PHF24: variants seen among roughly 807,000 people sequenced by gnomAD.
PHF24 encodes PHD finger protein 24.
PHF24 carries 25 observed loss-of-function variants against 42.6 expected under a neutral mutation model. The ratio of observed to expected loss-of-function variants is 0.59; its 90% CI spans 0.43 to 0.82. The LOEUF (loss-of-function observed/expected upper bound fraction) is 0.82. Among genes scored for constraint, PHF24 ranks in the 40% least tolerant of loss-of-function variants. The pLI, the probability that PHF24 is intolerant of heterozygous loss-of-function variation, is 0.00. For missense variants in PHF24, 470 were observed against 538.1 expected, an observed-to-expected ratio of 0.87 and a Z score of 1.25; for synonymous variants, 185 against 204.8, an observed-to-expected ratio of 0.90 and a Z score of 0.83.
the PHF24 span, among the ~76,000 whole-genome samples, chr9:34,720,598 G>A: frequency 6.6e-6 from 1 of 151,956 alleles, no homozygotes; most frequent in Non-Finnish European, 1.5e-5. Flanking sequence ...GTCCAAAATC[G>A]ATGTCCCTTC....
At chr9:34,688,808 A>G in the PHF24 span, among the ~76,000 whole-genome samples, 2 of 152,174 alleles carry the variant, frequency 1.3e-5, no homozygotes, top group Non-Finnish European at 2.9e-5. Flanking sequence ...TCATTCTCTA[A>G]ACAAATATTT....
chr9:34,729,691 T>G, the PHF24 span, among the ~76,000 whole-genome samples: 4 of 152,192 alleles, frequency 2.6e-5, no homozygotes, highest in Non-Finnish European at 4.4e-5. Flanking sequence ...TAGTCTGTCT[T>G]CACTTTCCAC....
At chr9:34,669,405 TGAGAA>T in the PHF24 span, among the ~76,000 whole-genome samples, 4 of 151,802 alleles carry the variant, frequency 2.6e-5, no homozygotes, top group African/African-American at 7.3e-5. Flanking sequence ...ACCAATATGC[TGAGAA>T]GAGGAGTGTT....
the PHF24 span, chr9:34,690,423 C>CGTGTGTGT: frequency 3.3e-6 from 3 of 913,262 alleles, no homozygotes; most frequent in Admixed American, 2.7e-5. Flanking sequence ...ATTGAGGACA[C>CGTGTGTGT]CTGTGTGTGT....
chr9:34,851,897 A>G, the PHF24 span, among the ~76,000 whole-genome samples: 1 of 152,234 alleles, frequency 6.6e-6, no homozygotes, highest in Non-Finnish European at 1.5e-5. Flanking sequence ...TGATTTACAT[A>G]CCACCATTAT....
chr9:34,863,263 T>C, the PHF24 span, among the ~76,000 whole-genome samples: 1 of 152,110 alleles, frequency 6.6e-6, no homozygotes, highest in Non-Finnish European at 1.5e-5. Flanking sequence ...TGTAGAGCCC[T>C]AGGGCCTTGA....
At chr9:34,879,853 C>G in the PHF24 span, among the ~76,000 whole-genome samples, 1 of 152,084 alleles carries the variant, frequency 6.6e-6, no homozygotes, top group East Asian at 1.9e-4. Context: ...CAGAGAACGC[C>G]ACAAAGATAC....
chr9:34,827,915 A>G, the PHF24 span, among the ~76,000 whole-genome samples: 2 of 152,028 alleles, frequency 1.3e-5, no homozygotes, highest in Non-Finnish European at 2.9e-5. Context: ...CCATGCATTT[A>G]GAGCTTTTTC....
chr9:34,974,476 A>G (rs1587477549), intron 3 of PHF24, among the ~76,000 whole-genome samples: 1 of 152,128 alleles, frequency 6.6e-6, no homozygotes, highest in Admixed American at 6.5e-5. Context: ...CAGTGGTGTA[A>G]CCACCGTTAA....
At chr9:34,693,219 A>G in the PHF24 span, among the ~76,000 whole-genome samples, 1 of 152,044 alleles carries the variant, frequency 6.6e-6, no homozygotes, top group Admixed American at 6.6e-5. Context: ...CAGCCTATCC[A>G]TTCTCCACTC....
the PHF24 span, among the ~76,000 whole-genome samples, chr9:34,807,405 G>A: frequency 6.6e-6 from 1 of 152,164 alleles, no homozygotes; most frequent in Non-Finnish European, 1.5e-5. Flanking sequence ...AACATTGAAA[G>A]AGCTCACTCA....
chr9:34,791,579 AT>A, the PHF24 span, among the ~76,000 whole-genome samples: 12 of 27,294 alleles, frequency 4.4e-4, no homozygotes, highest in Admixed American at 4.5e-3. Flanking sequence ...GTGAATATAG[AT>A]TTAAAAAAAA....
At chr9:34,918,038 T>C in the PHF24 span, 1 of 1,298,492 alleles carries the variant, frequency 7.7e-7, no homozygotes. Flanking sequence ...TCTGTGCCTG[T>C]GATCCCAAAG....
the PHF24 span, among the ~76,000 whole-genome samples, chr9:34,824,908 G>A: frequency 6.6e-6 from 1 of 152,156 alleles, no homozygotes; most frequent in African/African-American, 2.4e-5. Context: ...ACAGTCACTA[G>A]TATTACCTGT....
chr9:34,854,600 T>G, the PHF24 span, among the ~76,000 whole-genome samples: 1 of 152,238 alleles, frequency 6.6e-6, no homozygotes, highest in South Asian at 2.1e-4. Flanking sequence ...GTGAGTTTCT[T>G]AAACTTGAGT....
At chr9:34,955,104 G>A (rs1826341352), upstream of PHF24, among the ~76,000 whole-genome samples, 1 of 152,178 alleles carries the variant, frequency 6.6e-6, no homozygotes. Flanking sequence ...AAACTCCTGG[G>A]CTCAAGTGAC....
chr9:34,946,080 G>A, the PHF24 span, among the ~76,000 whole-genome samples: 1 of 152,220 alleles, frequency 6.6e-6, no homozygotes, highest in Non-Finnish European at 1.5e-5. Flanking sequence ...CCAGTACTAT[G>A]CTCTGCAGTA....
At chr9:34,738,858 T>G in the PHF24 span, among the ~76,000 whole-genome samples, 2 of 152,148 alleles carry the variant, frequency 1.3e-5, no homozygotes. Flanking sequence ...AGAGCAGCCA[T>G]TTGTGGTCCT....
chr9:34,744,119 A>C, the PHF24 span, among the ~76,000 whole-genome samples: 1 of 152,168 alleles, frequency 6.6e-6, no homozygotes, highest in Non-Finnish European at 1.5e-5. Flanking sequence ...CCAACACATG[A>C]ACTTTGGGAG....
Sources: gnomAD v4.1 joint callset for allele counts (sites outside exome capture counted in the v4.1 genomes callset) on GRCh38, gnomAD v4.1.1 for gene constraint, MANE v1.5 for transcripts, NCBI Gene and HGNC (gene_info 2026-07-23, HGNC 2026-07-21) for gene names.